Variants in UNC13C observed in about 807,000 individuals in gnomAD.
UNC13C encodes the protein protein unc-13 homolog C.
A neutral mutation model predicts 245.4 loss-of-function variants in UNC13C; 174 were observed. The observed-to-expected ratio is 0.71, with a 90% CI of 0.63 to 0.80. UNC13C has a LOEUF of 0.80. Ranked by LOEUF, UNC13C falls within the 30% of genes least tolerant of loss-of-function variation. The pLI, the probability that UNC13C is intolerant of heterozygous loss-of-function variation, is 0.00. For missense variants in UNC13C, 2,829 were observed against 2,602.9 expected (o/e 1.09, Z -1.89); for synonymous variants, 992 against 895.1 (o/e 1.11, Z -1.93).
chr15:54,144,475 A>C (rs954741262), intron 4 of UNC13C, among the ~76,000 whole-genome samples: 1 of 152,108 alleles, frequency 6.6e-6, no homozygotes, highest in African/African-American at 2.4e-5. Context: ...CGTATGAGGT[A>C]AGTACTATTT....
At chr15:54,229,819 T>G (rs2035498851) in intron 4 of UNC13C, among the ~76,000 whole-genome samples, 1 of 152,140 alleles carries the variant, frequency 6.6e-6, no homozygotes, top group Non-Finnish European at 1.5e-5. Flanking sequence ...TACCACTCTA[T>G]TCCCTAGTTC....
intron 4 of UNC13C, among the ~76,000 whole-genome samples, chr15:54,148,243 C>T (rs1021864358): frequency 2.6e-5 from 4 of 152,228 alleles, no homozygotes; most frequent in Admixed American, 6.5e-5. Flanking sequence ...TAATAAGAAA[C>T]GTATGCTGAG....
rs1895583090 is a variant in UNC13C at position 54,015,097 on chromosome 15, G to C, written c.2194G>C (p.Gly732Arg). 1 of 1,612,746 alleles carries C rather than the reference G, an allele frequency of 6.2e-7. No individual in the cohort carries two copies. The highest frequency in any genetic ancestry group is 1.6e-4 in the Middle Eastern group (1 of 6,062). Residue 732 changes from glycine to arginine, a missense_variant, in exon 2 of 33, where the codon GGC becomes CGC. Physicochemically the swap from Gly to Arg is moderately radical, Grantham distance 125 (BLOSUM62 -2). Transcript: ENST00000260323. ...CCCTGGCTTGGATAATGAACCACAA[G>C]GCCAGTGGGTTGGCCAATATGATTC... ...PCPGLDNEPQ[G>R]QWVGQYDSYQ...
intron 24 of UNC13C, among the ~76,000 whole-genome samples, chr15:54,522,330 A>G (rs1478072940): frequency 6.6e-6 from 1 of 151,194 alleles, no homozygotes; most frequent in Non-Finnish European, 1.5e-5. Context: ...AAAAAAAAAA[A>G]AGCTGGACAT....
chr15:54,088,704 C>T (rs1363713986), intron 2 of UNC13C, among the ~76,000 whole-genome samples: 2 of 152,144 alleles, frequency 1.3e-5, no homozygotes, highest in Non-Finnish European at 2.9e-5. Context: ...AACATGAGTG[C>T]TCTCTGTCTG....
At chr15:54,616,374 AATAAC>A (rs1461428264) in intron 30 of UNC13C, among the ~76,000 whole-genome samples, 1 of 149,376 alleles carries the variant, frequency 6.7e-6, no homozygotes, top group African/African-American at 2.5e-5. Flanking sequence ...ATAAGATTAT[AATAAC>A]ATAACACCAC....
intron 2 of UNC13C, among the ~76,000 whole-genome samples, chr15:54,055,458 C>T (rs559661455): frequency 3.3e-5 from 5 of 152,178 alleles, no homozygotes; most frequent in African/African-American, 1.2e-4. Flanking sequence ...TTTTTATATG[C>T]ACTGCTACAA....
intron 17 of UNC13C, among the ~76,000 whole-genome samples, chr15:54,355,192 A>G (rs1315074331): frequency 6.6e-6 from 1 of 152,198 alleles, no homozygotes; most frequent in Non-Finnish European, 1.5e-5. Context: ...TAAATTTCCC[A>G]GTTCCAGTTA....
intron 2 of UNC13C, among the ~76,000 whole-genome samples, chr15:54,135,423 G>A (rs2031678149): frequency 6.6e-6 from 1 of 152,114 alleles, no homozygotes. Context: ...TTTTATCTTG[G>A]AGCTTTATGG....
chr15:54,172,529 G>A (rs777068098), intron 4 of UNC13C, among the ~76,000 whole-genome samples: 4 of 151,300 alleles, frequency 2.6e-5, no homozygotes, highest in Admixed American at 6.6e-5. Flanking sequence ...TTCTTGATGA[G>A]TAGTATACCG....
At chr15:54,141,435 A>C (rs763060209) in intron 2 of UNC13C, among the ~76,000 whole-genome samples, 3 of 152,256 alleles carry the variant, frequency 2.0e-5, no homozygotes, top group East Asian at 1.9e-4. Flanking sequence ...GAAATGCCCT[A>C]CTATTTCACA....
intron 19 of UNC13C, among the ~76,000 whole-genome samples, chr15:54,416,008 G>A (rs2140952089): frequency 6.6e-6 from 1 of 152,310 alleles, no homozygotes; most frequent in East Asian, 1.9e-4. Flanking sequence ...AGCAATTAGA[G>A]AAAGCACAAG....
At chr15:54,323,459 A>G (rs899687497) in intron 14 of UNC13C, among the ~76,000 whole-genome samples, 2 of 152,172 alleles carry the variant, frequency 1.3e-5, no homozygotes, top group Admixed American at 6.6e-5. Context: ...AACATGCTCA[A>G]TGAAGAAGAT....
Position 54,627,212 on chromosome 15 carries a change from G to T in UNC13C, c.*99G>T, listed in dbSNP as rs551929608. ...TTTAGTTCACTACATTTCAATGTTT[G>T]CCAGTACTCATGTACGATGTCTACA... On this transcript the variant is annotated 3_prime_UTR_variant, in exon 33 of 33. Transcript: ENST00000260323. The T allele has an allele frequency of 8.0e-4, 988 of 1,241,516 alleles. 3 individuals carry two copies. Among genetic ancestry groups the T allele is most frequent in the Non-Finnish European group, 9.9e-4 (905 of 911,716 alleles). The allele number at this position is 1,241,516 out of a possible 1,614,324, so 76.9% of individuals were successfully genotyped here. A position where few individuals can be genotyped will look rare whatever the true frequency, so the allele number is the denominator to read the frequency against.
intron 2 of UNC13C, among the ~76,000 whole-genome samples, chr15:54,038,467 A>C (rs1896682908): frequency 6.6e-6 from 1 of 151,998 alleles, no homozygotes; most frequent in South Asian, 2.1e-4. Context: ...TAAATATAGG[A>C]GATGTTAGCA....
chr15:54,393,059 G>A lies in UNC13C; in HGVS notation c.4725G>A (p.Gln1575=), dbSNP rs748280992. ...GAACTTGTGAGCAGAGTAAGAAACA[G>A]GATATTCCTCGTGAAGATCAGGGAC... is the stretch of plus-strand genomic sequence containing the variant. ...YSQLTDPSKK[Q]DIPREDQGPT... Residue 1575 remains glutamine, a synonymous_variant, in exon 18 of 33, where the codon CAG becomes CAA. Coordinates refer to ENST00000260323, the MANE Select transcript of UNC13C (RefSeq NM_001080534.3). 4 of 1,604,420 alleles carry A rather than the reference G, an allele frequency of 2.5e-6. No individual in the cohort carries two copies. The highest frequency in any genetic ancestry group is 3.4e-6 in the Non-Finnish European group (4 of 1,176,296).
At chr15:54,417,380 T>C (rs1444136752) in intron 19 of UNC13C, among the ~76,000 whole-genome samples, 1 of 152,178 alleles carries the variant, frequency 6.6e-6, no homozygotes, top group African/African-American at 2.4e-5. Flanking sequence ...TCTCCCCTTT[T>C]GTTTGAGTAG....
chr15:54,259,133 T>C (rs975980345), intron 8 of UNC13C, among the ~76,000 whole-genome samples: 2 of 152,240 alleles, frequency 1.3e-5, no homozygotes, highest in Non-Finnish European at 2.9e-5. Flanking sequence ...TCTGCTTTCA[T>C]GATCTAGCTA....
At chr15:54,053,829 T>C (rs1897378652) in intron 2 of UNC13C, among the ~76,000 whole-genome samples, 1 of 152,164 alleles carries the variant, frequency 6.6e-6, no homozygotes, top group African/African-American at 2.4e-5. Context: ...CCGTCTACTC[T>C]CTATCTCCAT....
Sources: allele counts gnomAD v4.1 joint callset (sites outside exome capture counted in the v4.1 genomes callset), GRCh38; gene constraint gnomAD v4.1.1; transcripts MANE v1.5; gene names NCBI Gene and HGNC (gene_info 2026-07-23, HGNC 2026-07-21).